The following RAB30 variants were observed in gnomAD, a reference collection of about 807,000 sequenced individuals.
RAB30 encodes ras-related protein Rab-30.
Under a neutral mutation model 25.1 loss-of-function variants are expected in RAB30, and 9 were observed. The observed-to-expected ratio is 0.36, with a 90% CI of 0.22 to 0.63. The LOEUF is 0.63. Among genes scored for constraint, RAB30 ranks in the 20% least tolerant of loss-of-function variants. RAB30 has a pLI of 0.69. For synonymous variants in RAB30, 77 were observed against 86.4 expected (o/e 0.89, Z 0.60); for missense variants, 140 against 243.5 (o/e 0.58, Z 2.83).
At chr11:83,064,400 G>A (rs899328857) in intron 1 of RAB30, among the ~76,000 whole-genome samples, 5 of 152,228 alleles carry the variant, frequency 3.3e-5, no homozygotes, top group South Asian at 2.1e-4. Flanking sequence ...AAGCCACTGC[G>A]CCCAGCCAAT....
At chr11:83,013,142 G>C (rs1857340605) in intron 1 of RAB30, among the ~76,000 whole-genome samples, 1 of 152,032 alleles carries the variant, frequency 6.6e-6, no homozygotes, top group Non-Finnish European at 1.5e-5. Context: ...GGAGTGCAAT[G>C]GTGTGATTTC....
Position 82,974,617 on chromosome 11 carries a change from G to A in RAB30, c.*7548C>T, listed in dbSNP as rs1266332913. The A allele has an allele frequency of 3.3e-5, 5 of 151,886 alleles. No individual in the cohort carries two copies. The highest frequency in any genetic ancestry group is 1.9e-4 in the East Asian group (1 of 5,204). The allele number at this position is 151,886 out of a possible 1,614,324, so 9.4% of individuals were successfully genotyped here. On this transcript the variant is annotated 3_prime_UTR_variant, in exon 5 of 5. Transcript: ENST00000527633. Reference sequence around the variant, plus strand: ...AACCAATAGCCAAATATCAAGAATCGAGTTCATAAAACTCAGTGATTAACC... The same window carrying A: ...AACCAATAGCCAAATATCAAGAATCAAGTTCATAAAACTCAGTGATTAACC...
intron 1 of RAB30, among the ~76,000 whole-genome samples, chr11:83,064,527 C>A (rs1258942192): frequency 6.6e-6 from 1 of 152,218 alleles, no homozygotes; most frequent in African/African-American, 2.4e-5. Context: ...TAATGTCACA[C>A]ATAGAGTGCC....
chr11:82,998,497 G>A (rs1450645217), intron 1 of RAB30, among the ~76,000 whole-genome samples: 1 of 146,602 alleles, frequency 6.8e-6, no homozygotes, highest in African/African-American at 2.6e-5. Context: ...GCAGTGAGCC[G>A]AGATCACACC....
In RAB30 at chr11:83,014,182, C is replaced by T. The variant is rs151007695; in HGVS notation, c.-8-16858G>A. Among the ~76,000 whole-genome samples, 41 of 152,238 alleles carry T rather than the reference C, an allele frequency of 2.7e-4. No individual in the cohort carries two copies. In the East Asian group the frequency reaches 5.2e-3, roughly 19 times the overall value. On this transcript the variant is annotated intron_variant, in intron 1 of 4. Coordinates refer to ENST00000527633, the MANE Select transcript of RAB30 (RefSeq NM_001286060.2). ...GATAAGTGCTAGTAGAGAATTAAAA[C>T]AGGAGGAAAAGACTGGATAGCTGTC...
intron 1 of RAB30, among the ~76,000 whole-genome samples, chr11:83,032,158 C>T (rs1457002028): frequency 6.6e-6 from 1 of 152,186 alleles, no homozygotes; most frequent in Non-Finnish European, 1.5e-5. Flanking sequence ...CTAGGACTCA[C>T]TCACATCCTT....
At chr11:83,031,804 A>G (rs10792672) in intron 1 of RAB30, among the ~76,000 whole-genome samples, 82,985 of 152,036 alleles carry the variant, frequency 0.55, 23,219 homozygotes, top group African/African-American at 0.68. Flanking sequence ...TGGGATTACA[A>G]GTGTGAGCCA....
At chr11:83,070,229 A>G (rs908697786) in intron 1 of RAB30, among the ~76,000 whole-genome samples, 1 of 152,196 alleles carries the variant, frequency 6.6e-6, no homozygotes, top group Admixed American at 6.5e-5. Context: ...GGCAAAGGCT[A>G]ACTGTTGATC....
intron 1 of RAB30, among the ~76,000 whole-genome samples, chr11:83,063,663 T>C (rs1858632895): frequency 6.6e-6 from 1 of 152,180 alleles, no homozygotes; most frequent in African/African-American, 2.4e-5. Context: ...AGTAAAAGAG[T>C]TCAGCCCAAG....
chr11:83,067,678 T>C (rs1218894196), intron 1 of RAB30, among the ~76,000 whole-genome samples: 1 of 152,110 alleles, frequency 6.6e-6, no homozygotes, highest in Non-Finnish European at 1.5e-5. Context: ...AATCAACAAA[T>C]CTTATCAATT....
intron 1 of RAB30, among the ~76,000 whole-genome samples, chr11:83,011,987 A>T (rs1857314798): frequency 6.6e-6 from 1 of 152,062 alleles, no homozygotes. Flanking sequence ...ATATGCACTA[A>T]ATGAGGGGAG....
intron 1 of RAB30, among the ~76,000 whole-genome samples, chr11:83,032,454 A>C (rs1415961812): frequency 6.6e-6 from 1 of 152,216 alleles, no homozygotes; most frequent in Non-Finnish European, 1.5e-5. Flanking sequence ...CTAGGATACA[A>C]ATAATGTTCC....
chr11:83,025,235 G>T (rs1176846166), intron 1 of RAB30, among the ~76,000 whole-genome samples: 1 of 152,172 alleles, frequency 6.6e-6, no homozygotes, highest in Non-Finnish European at 1.5e-5. Context: ...AAAAGCAATG[G>T]AAGATGCTGC....
chr11:82,997,433 A>T, intron 1 of RAB30, 109 bp from the exon 2 acceptor site: 1 of 729,894 alleles, frequency 1.4e-6, no homozygotes, highest in Non-Finnish European at 2.3e-6. Flanking sequence ...TCATTTAAAG[A>T]GCAATTTAAA....
At chr11:82,990,752 CTG>C (rs757909929) in intron 3 of RAB30, among the ~76,000 whole-genome samples, 87 of 151,752 alleles carry the variant, frequency 5.7e-4, no homozygotes, top group South Asian at 4.2e-4. Flanking sequence ...TGAGAAAGTT[CTG>C]TGTTTTTTCC....
At chr11:83,070,790 T>C (rs1858821933) in intron 1 of RAB30, among the ~76,000 whole-genome samples, 1 of 152,204 alleles carries the variant, frequency 6.6e-6, no homozygotes. Context: ...TAATGGCAAA[T>C]GAAGGTTAAC....
At chr11:83,058,597 G>A (rs1236327636) in intron 1 of RAB30, among the ~76,000 whole-genome samples, 1 of 152,254 alleles carries the variant, frequency 6.6e-6, no homozygotes, top group African/African-American at 2.4e-5. Flanking sequence ...GAGTGATACT[G>A]TGAACTTCTC....
Position 83,007,770 on chromosome 11 carries a change from T to C in RAB30, c.-8-10446A>G, listed in dbSNP as rs562382007. On this transcript the variant is annotated intron_variant, in intron 1 of 4. Transcript: ENST00000527633. ...GGTGCTTGACAAAGAGGCTCAGATG[T>C]GCCTGGAAATACTCCTGCTTTGTTT... is the stretch of plus-strand genomic sequence containing the variant. Among the ~76,000 whole-genome samples the C allele has an allele frequency of 3.0e-4, 46 of 152,316 alleles. 1 individual carries two copies. In the South Asian group the frequency reaches 8.7e-3, roughly 29 times the overall value.
chr11:82,978,940 C>A lies in RAB30; in HGVS notation c.*3225G>T, dbSNP rs757135702. 2.6e-5 allele frequency: 4 copies of A among 151,976 alleles called. No individual in the cohort carries two copies. Among genetic ancestry groups the A allele is most frequent in the Non-Finnish European group, 4.4e-5 (3 of 67,992 alleles). The allele number at this position is 151,976 out of a possible 1,614,324, so 9.4% of individuals were successfully genotyped here. A position where few individuals can be genotyped will look rare whatever the true frequency, so the allele number is the denominator to read the frequency against. The stretch of plus-strand genomic sequence containing the variant: ...CATTTTTAGTTTTCTTGCCACTTTA[C>A]TCAGGGAGAGATAAAAACGTGAAAT... On this transcript the variant is annotated 3_prime_UTR_variant, in exon 5 of 5. Coordinates refer to ENST00000527633, the MANE Select transcript of RAB30 (RefSeq NM_001286060.2).
Sources: gnomAD v4.1 joint callset for allele counts (sites outside exome capture counted in the v4.1 genomes callset) on GRCh38, gnomAD v4.1.1 for gene constraint, MANE v1.5 for transcripts, NCBI Gene and HGNC (gene_info 2026-07-23, HGNC 2026-07-21) for gene names.